PTPRN2: variants seen among roughly 807,000 people sequenced by gnomAD.
PTPRN2 encodes receptor-type tyrosine-protein phosphatase N2.
A neutral mutation model predicts 118.8 loss-of-function variants in PTPRN2; 74 were observed. The observed-to-expected ratio is 0.62, with a 90% confidence interval of 0.52 to 0.76. PTPRN2 has a LOEUF of 0.76. Ranked by LOEUF, PTPRN2 falls within the 30% of genes least tolerant of loss-of-function variation. PTPRN2 has a pLI of 0.00. For synonymous variants in PTPRN2, 641 were observed against 608.0 expected, an observed-to-expected ratio of 1.05 and a Z score of -0.80; for missense variants, 1,481 against 1,394.4, an observed-to-expected ratio of 1.06 and a Z score of -0.99.
At chr7:157,612,431 G>C (rs1307508495) in intron 15 of PTPRN2, among the ~76,000 whole-genome samples, 1 of 152,234 alleles carries the variant, frequency 6.6e-6, no homozygotes, top group Admixed American at 6.5e-5. Flanking sequence ...CAAACGGCTG[G>C]GGGGCGCCTC....
intron 21 of PTPRN2, among the ~76,000 whole-genome samples, chr7:157,551,370 C>T (rs1463201396): frequency 2.6e-5 from 4 of 152,004 alleles, no homozygotes; most frequent in African/African-American, 9.7e-5. Context: ...AGCTGCAATT[C>T]ACAGCATCTT....
chr7:157,871,773 A>C (rs2151261862), intron 12 of PTPRN2, among the ~76,000 whole-genome samples: 1 of 151,644 alleles, frequency 6.6e-6, no homozygotes, highest in East Asian at 1.9e-4. Context: ...ATACACACAC[A>C]CACACAGACC....
At chr7:158,479,422 T>C (rs918695592) in intron 2 of PTPRN2, among the ~76,000 whole-genome samples, 3 of 152,140 alleles carry the variant, frequency 2.0e-5, no homozygotes, top group African/African-American at 7.2e-5. Flanking sequence ...AGTGAACGCT[T>C]CCGTTGGATG....
At chr7:157,791,031 A>G (rs1461472844) in intron 12 of PTPRN2, among the ~76,000 whole-genome samples, 2 of 152,242 alleles carry the variant, frequency 1.3e-5, no homozygotes, top group Non-Finnish European at 2.9e-5. Context: ...ATTTGGCAAT[A>G]AAAATGCACA....
At chr7:158,326,262 C>T (rs1308299159) in intron 2 of PTPRN2, among the ~76,000 whole-genome samples, 4 of 152,234 alleles carry the variant, frequency 2.6e-5, no homozygotes, top group East Asian at 3.8e-4. Context: ...GGCCAGTGAG[C>T]ACCAAGCAGC....
chr7:158,371,574 C>A (rs7809909), intron 2 of PTPRN2, among the ~76,000 whole-genome samples: 5 of 151,404 alleles, frequency 3.3e-5, no homozygotes, highest in African/African-American at 4.9e-5. Flanking sequence ...GACCTTGTGA[C>A]GCAACAAGCA....
chr7:158,018,629 G>A (rs908183866), intron 11 of PTPRN2, among the ~76,000 whole-genome samples: 14 of 152,104 alleles, frequency 9.2e-5, no homozygotes, highest in African/African-American at 3.4e-4. Context: ...GGTAGAGACG[G>A]TTCCTAACCA....
chr7:157,786,486 G>A (rs541847745), intron 12 of PTPRN2, among the ~76,000 whole-genome samples: 1 of 152,332 alleles, frequency 6.6e-6, no homozygotes, highest in South Asian at 2.1e-4. Flanking sequence ...TGTCCCAGCT[G>A]TGGATGGCAC....
At chr7:157,594,458 C>T (rs1360209212) in intron 17 of PTPRN2, among the ~76,000 whole-genome samples, 4 of 152,234 alleles carry the variant, frequency 2.6e-5, no homozygotes. Context: ...CCCAGCGTCA[C>T]TGCTGCGACA....
chr7:157,771,792 GAC>G (rs1215323529), intron 12 of PTPRN2, among the ~76,000 whole-genome samples: 1 of 100,154 alleles, frequency 1.0e-5, no homozygotes, highest in South Asian at 3.0e-4. Flanking sequence ...CACACTCACA[GAC>G]ACAGACACAA....
At chr7:158,158,236 A>G (rs994421176) in intron 6 of PTPRN2, among the ~76,000 whole-genome samples, 5 of 152,202 alleles carry the variant, frequency 3.3e-5, no homozygotes, top group Admixed American at 2.0e-4. Flanking sequence ...AAGCATTGGT[A>G]TCAGTTATTT....
At chr7:157,737,721 C>A (rs1390542168) in intron 12 of PTPRN2, among the ~76,000 whole-genome samples, 3 of 152,230 alleles carry the variant, frequency 2.0e-5, no homozygotes, top group Non-Finnish European at 4.4e-5. Flanking sequence ...GGGCCCTGGT[C>A]CTCGGGAGCA....
At chr7:158,203,063 C>T (rs993228572) in intron 4 of PTPRN2, among the ~76,000 whole-genome samples, 1 of 151,774 alleles carries the variant, frequency 6.6e-6, no homozygotes, top group East Asian at 1.9e-4. Context: ...AAAACCCCAT[C>T]TCTACTAAAA....
chr7:158,294,699 C>A (rs572887384), intron 3 of PTPRN2, among the ~76,000 whole-genome samples: 55 of 152,314 alleles, frequency 3.6e-4, no homozygotes, highest in Middle Eastern at 3.4e-3. Context: ...GAAAGACATC[C>A]AGCCACAAGG....
intron 12 of PTPRN2, among the ~76,000 whole-genome samples, chr7:157,744,372 G>A (rs1250872180): frequency 6.6e-6 from 1 of 152,126 alleles, no homozygotes; most frequent in Admixed American, 6.5e-5. Context: ...ATAGGAACTG[G>A]GGACCCGACC....
intron 11 of PTPRN2, among the ~76,000 whole-genome samples, chr7:158,070,153 T>C (rs575412214): frequency 3.3e-5 from 5 of 152,334 alleles, no homozygotes; most frequent in Admixed American, 2.6e-4. Flanking sequence ...CACTGCACTA[T>C]GGCCAACACA....
intron 13 of PTPRN2, among the ~76,000 whole-genome samples, chr7:157,664,792 C>T (rs527647196): frequency 5.9e-5 from 9 of 152,262 alleles, no homozygotes; most frequent in African/African-American, 1.9e-4. Context: ...GCTATGATCT[C>T]GAGAGCATTT....
At chr7:157,544,523 C>T (rs1404993178) in intron 22 of PTPRN2, among the ~76,000 whole-genome samples, 2 of 152,102 alleles carry the variant, frequency 1.3e-5, no homozygotes, top group Admixed American at 6.5e-5. Context: ...CGTGGACATG[C>T]GAGGGGCCTC....
At chr7:158,297,271 C>A (rs1354975704) in intron 3 of PTPRN2, among the ~76,000 whole-genome samples, 1 of 152,264 alleles carries the variant, frequency 6.6e-6, no homozygotes, top group Non-Finnish European at 1.5e-5. Context: ...AACTCTCTGG[C>A]TTTCAGCCGT....
Sources: gnomAD v4.1 joint callset for allele counts (sites outside exome capture counted in the v4.1 genomes callset) on GRCh38, gnomAD v4.1.1 for gene constraint, MANE v1.5 for transcripts, NCBI Gene and HGNC (gene_info 2026-07-23, HGNC 2026-07-21) for gene names.